Variants in TEN1 observed in about 807,000 individuals in gnomAD.
The protein encoded by TEN1 is TEN1 subunit of CST complex.
In TEN1, 6 loss-of-function variants were observed where a neutral mutation model predicts 9.3. That is an observed-to-expected ratio of 0.65 (90% CI 0.35 to 1.27). TEN1 has a LOEUF of 1.27. TEN1 is among the 50% of genes most tolerant of loss of function. The pLI is 0.03. For missense variants in TEN1, 149 were observed against 158.2 expected (o/e 0.94, Z 0.31); for synonymous variants, 65 against 65.6 (o/e 0.99, Z 0.04).
At chr17:75,993,186 C>A (rs1215800712) in intron 3 of TEN1, among the ~76,000 whole-genome samples, 1 of 151,400 alleles carries the variant, frequency 6.6e-6, no homozygotes, top group East Asian at 1.9e-4. Context: ...TCACTGCAAC[C>A]TCCGCCTCCC....
chr17:75,985,317 T>C (rs552802798), intron 1 of TEN1, among the ~76,000 whole-genome samples: 1 of 151,954 alleles, frequency 6.6e-6, no homozygotes, highest in African/African-American at 2.4e-5. Context: ...GGCCCATTTT[T>C]GTATTTTTTT....
intron 1 of TEN1, among the ~76,000 whole-genome samples, chr17:75,982,684 A>G (rs2066128517): frequency 6.6e-6 from 1 of 151,956 alleles, no homozygotes; most frequent in South Asian, 2.1e-4. Flanking sequence ...TCTTAGGCTC[A>G]AGCATTGATC....
rs9915998 is a variant in TEN1, at chr17:75,983,777, G to A, written c.-6-2410G>A. ...TGATTGGTTGGGGGTGCAACCTTAG[G>A]GGTGTGGCAAATGGTCCTCCTGCAG... On this transcript the variant is annotated intron_variant, in intron 1 of 3. Coordinates refer to ENST00000397640, the MANE Select transcript of TEN1 (RefSeq NM_001113324.3). 1.6e-3 allele frequency among the ~76,000 whole-genome samples: 248 copies of A among 152,228 alleles called. 1 individual carries two copies. Among genetic ancestry groups the A allele is most frequent in the African/African-American group, 4.1e-3 (169 of 41,544 alleles).
At chr17:75,995,688 C>A (rs2066214288) in intron 3 of TEN1, among the ~76,000 whole-genome samples, 1 of 152,314 alleles carries the variant, frequency 6.6e-6, no homozygotes, top group African/African-American at 2.4e-5. Context: ...CGGAGCATGC[C>A]CAGGCTGAAG....
chr17:75,985,868 T>C (rs1305527426), intron 1 of TEN1, among the ~76,000 whole-genome samples: 2 of 106,812 alleles, frequency 1.9e-5, no homozygotes, highest in Non-Finnish European at 3.4e-5. Context: ...GTATATTATA[T>C]CAAAAAAATT....
At chr17:75,997,518 C>T (rs1311122018) in intron 3 of TEN1, among the ~76,000 whole-genome samples, 1 of 151,874 alleles carries the variant, frequency 6.6e-6, no homozygotes, top group Non-Finnish European at 1.5e-5. Flanking sequence ...AAACGGCCAC[C>T]GACCATCAGA....
At chr17:75,982,967 C>CA (rs201468207) in intron 1 of TEN1, among the ~76,000 whole-genome samples, 1,247 of 94,758 alleles carry the variant, frequency 0.013, 12 homozygotes, top group African/African-American at 0.036. Flanking sequence ...CGCCTTGGCT[C>CA]AAAAAAAAAA....
chr17:75,993,698 C>CA (rs751058011), intron 3 of TEN1, among the ~76,000 whole-genome samples: 1 of 151,950 alleles, frequency 6.6e-6, no homozygotes, highest in Non-Finnish European at 1.5e-5. Context: ...GGGTTCTTGC[C>CA]AAAAAAATTG....
At chr17:75,996,238 C>A (rs1262791411) in intron 3 of TEN1, among the ~76,000 whole-genome samples, 1 of 152,118 alleles carries the variant, frequency 6.6e-6, no homozygotes, top group Non-Finnish European at 1.5e-5. Context: ...GTAATCCCAG[C>A]ACTTTGGGAG....
intron 3 of TEN1, among the ~76,000 whole-genome samples, chr17:75,997,433 C>T (rs191814387): frequency 6.6e-6 from 1 of 152,246 alleles, no homozygotes; most frequent in Non-Finnish European, 1.5e-5. Context: ...CCCTGTCCCT[C>T]CCGGCTTATT....
At chr17:75,993,404 G>A (rs1368909118) in intron 3 of TEN1, among the ~76,000 whole-genome samples, 1 of 151,888 alleles carries the variant, frequency 6.6e-6, no homozygotes, top group Non-Finnish European at 1.5e-5. Flanking sequence ...CGCCTGGCCT[G>A]GAAAGTTCTT....
At chr17:75,986,398 A>G in intron 2 of TEN1, 114 bp downstream of exon 2, 1 of 1,057,660 alleles carries the variant, frequency 9.5e-7, no homozygotes, top group Non-Finnish European at 1.3e-6. Context: ...AATTATGTTA[A>G]AATACTAAAA....
chr17:75,986,160 A>T (rs2066150885), intron 1 of TEN1, 27 bp from the exon 2 acceptor site: 3 of 1,514,074 alleles, frequency 2.0e-6, no homozygotes, highest in Non-Finnish European at 2.7e-6. Flanking sequence ...GGAATCTTCA[A>T]AATCCCTCTC....
chr17:75,991,380 A>C, intron 2 of TEN1, 86 bp from the exon 3 acceptor site: 2 of 1,393,660 alleles, frequency 1.4e-6, no homozygotes, highest in Non-Finnish European at 9.9e-7. Context: ...ACACTTTTCT[A>C]TAGATTTCTT....
At chr17:75,991,415 G>T in intron 2 of TEN1, 51 bp from the exon 3 acceptor site, 1 of 1,538,220 alleles carries the variant, frequency 6.5e-7, no homozygotes, top group Non-Finnish European at 8.8e-7. Flanking sequence ...TTTGAGCGTG[G>T]TGGTGATTCT....
intron 2 of TEN1, among the ~76,000 whole-genome samples, chr17:75,988,164 C>T (rs576249973): frequency 8.1e-5 from 12 of 148,048 alleles, no homozygotes; most frequent in Middle Eastern, 3.8e-3. Context: ...TGCTTGAACC[C>T]GGGAGGCAGA....
chr17:75,988,143 G>A (rs556303601), intron 2 of TEN1, among the ~76,000 whole-genome samples: 2 of 150,980 alleles, frequency 1.3e-5, no homozygotes, highest in Non-Finnish European at 2.9e-5. Context: ...GGGAGGCTGA[G>A]GCAGGAGAAT....
chr17:75,988,561 C>CAAAAAAAAAAAA (rs1189354019), intron 2 of TEN1, among the ~76,000 whole-genome samples: 5 of 28,976 alleles, frequency 1.7e-4, no homozygotes, highest in Non-Finnish European at 2.4e-4. Context: ...GATCCTGCCT[C>CAAAAAAAAAAAA]AAAAAAAAAA....
intron 1 of TEN1, among the ~76,000 whole-genome samples, chr17:75,981,188 C>CT (rs10560639): frequency 8.6e-4 from 126 of 146,952 alleles, no homozygotes; most frequent in African/African-American, 1.7e-3. Context: ...GACTTTAACG[C>CT]TTTTTTTTTT....
Sources: gnomAD v4.1 joint callset for allele counts (sites outside exome capture counted in the v4.1 genomes callset) on GRCh38, gnomAD v4.1.1 for gene constraint, MANE v1.5 for transcripts, NCBI Gene and HGNC (gene_info 2026-07-23, HGNC 2026-07-21) for gene names.